Variants in HELB observed in about 807,000 individuals in gnomAD.
HELB encodes the protein DNA 5'-3' helicase B.
Under a neutral mutation model 101.7 loss-of-function variants are expected in HELB, and 96 were observed. That is an observed-to-expected ratio of 0.94 (90% CI 0.80 to 1.12). The LOEUF (loss-of-function observed/expected upper bound fraction) is 1.12. HELB is among the 50% of genes most tolerant of loss of function. The pLI is 0.00. For missense variants in HELB, 1,210 were observed against 1,291.9 expected (o/e 0.94, Z 0.97); for synonymous variants, 437 against 459.7 (o/e 0.95, Z 0.63).
At chr12:66,335,686 T>C (rs1211823004) in intron 12 of HELB, among the ~76,000 whole-genome samples, 2 of 152,062 alleles carry the variant, frequency 1.3e-5, no homozygotes, top group Non-Finnish European at 1.5e-5. Flanking sequence ...AATTGCAGAA[T>C]TGGAGTCCTG....
chr12:66,336,138 A>T (rs1002804797), intron 12 of HELB, among the ~76,000 whole-genome samples: 3 of 152,168 alleles, frequency 2.0e-5, no homozygotes, highest in East Asian at 1.9e-4. Flanking sequence ...ACTTTTTTTT[A>T]AAAAATCAGA....
intron 4 of HELB, among the ~76,000 whole-genome samples, chr12:66,311,422 A>G (rs1018089718): frequency 6.6e-6 from 1 of 152,192 alleles, no homozygotes; most frequent in Admixed American, 6.5e-5. Context: ...TGTTTAGACC[A>G]CTGCACTCCA....
At chr12:66,306,768 A>G (rs2053481814) in intron 3 of HELB, among the ~76,000 whole-genome samples, 1 of 152,200 alleles carries the variant, frequency 6.6e-6, no homozygotes, top group South Asian at 2.1e-4. Flanking sequence ...AATTGATGAC[A>G]TTCAAATTAT....
chr12:66,333,882 C>T (rs2053836572), intron 12 of HELB, among the ~76,000 whole-genome samples: 2 of 151,804 alleles, frequency 1.3e-5, no homozygotes, highest in Non-Finnish European at 2.9e-5. Flanking sequence ...AACATAGTCC[C>T]AGCATGGTGG....
rs2053801302 is a variant in HELB, at chr12:66,331,195, G to A, written c.2712G>A (p.Ala904=). The change falls in exon 12 of 13, where the codon GCG becomes GCA. Residue 904 remains alanine (A), a synonymous_variant. Transcript: ENST00000247815. ...CAGTTGTCTATGTGGTGGGGAAGGC[G>A]GGCCGCCAGCACTGGCAGCATGTCT... is the stretch of plus-strand genomic sequence containing the variant. The part of the protein sequence containing the change: ...EQTVVYVVGK[A]GRQHWQHVYT... 8.7e-6 allele frequency: 14 copies of A among 1,611,968 alleles called. No individual in the cohort carries two copies. Among genetic ancestry groups the A allele is most frequent in the Middle Eastern group, 1.7e-4 (1 of 6,046 alleles).
In HELB at chr12:66,324,137, G is replaced by A. The variant is rs776024795; in HGVS notation, c.2452G>A (p.Asp818Asn). Residue 818 changes from aspartate (D) to asparagine (N), a missense_variant, in exon 10 of 13, where the codon GAT becomes AAT. Asp to Asn is a conservative substitution (Grantham distance 23). Coordinates refer to ENST00000247815, the MANE Select transcript of HELB (RefSeq NM_001370285.1). ...SSEDFSGTLP[D>N]FAKNKRDFES... Reference sequence around the variant, plus strand: ...TGAAGACTTTTCTGGTACGCTTCCTGATTTTGCTAAAAATAAGCGTGACTT... The same window carrying A: ...TGAAGACTTTTCTGGTACGCTTCCTAATTTTGCTAAAAATAAGCGTGACTT... 2 of 1,613,774 alleles carry A rather than the reference G, an allele frequency of 1.2e-6. No individual in the cohort carries two copies. The highest frequency in any genetic ancestry group is 4.5e-5 in the East Asian group (2 of 44,842).
intron 6 of HELB, among the ~76,000 whole-genome samples, chr12:66,316,586 A>AATAATAATAATC (rs1358634263): frequency 6.6e-6 from 1 of 150,790 alleles, no homozygotes; most frequent in African/African-American, 2.4e-5. Flanking sequence ...TAATAATAAT[A>AATAATAATAATC]ATAATAATAA....
At chr12:66,303,778 T>TG (rs1159903334) in intron 1 of HELB, among the ~76,000 whole-genome samples, 3 of 152,256 alleles carry the variant, frequency 2.0e-5, no homozygotes, top group Non-Finnish European at 4.4e-5. Context: ...GGTAGTTTCC[T>TG]GTGCTATAAG....
At chr12:66,320,424 A>G (rs1287413144) in intron 7 of HELB, among the ~76,000 whole-genome samples, 1 of 152,190 alleles carries the variant, frequency 6.6e-6, no homozygotes, top group African/African-American at 2.4e-5. Flanking sequence ...TTAGAAATGT[A>G]TGTTAAATAA....
intron 1 of HELB, among the ~76,000 whole-genome samples, 197 bp downstream of exon 1, chr12:66,302,987 T>C (rs1334561650): frequency 7.2e-6 from 1 of 139,046 alleles, no homozygotes; most frequent in Non-Finnish European, 1.5e-5. Context: ...ACTATGTGGT[T>C]TTTTTTTTTT....
At chr12:66,303,014 G>A (rs1234444074) in intron 1 of HELB, among the ~76,000 whole-genome samples, 2 of 146,896 alleles carry the variant, frequency 1.4e-5, no homozygotes, top group Admixed American at 1.4e-4. Flanking sequence ...TTTTTGAGCA[G>A]CAGCAAGATT....
At chr12:66,324,323 A>G (rs968531982) in intron 10 of HELB, 112 bp downstream of exon 10, 15 of 846,464 alleles carry the variant, frequency 1.8e-5, no homozygotes, top group African/African-American at 1.0e-4. Flanking sequence ...TTCTTGTTTC[A>G]TGATTTTTTG....
chr12:66,337,080 G>C (rs1235960440), intron 12 of HELB, among the ~76,000 whole-genome samples: 2 of 152,100 alleles, frequency 1.3e-5, no homozygotes, highest in Non-Finnish European at 2.9e-5. Flanking sequence ...GGTGGGGTTG[G>C]GCCTGAGGAT....
chr12:66,326,908 C>T (rs1263879952), intron 11 of HELB, among the ~76,000 whole-genome samples: 1 of 150,544 alleles, frequency 6.6e-6, no homozygotes, highest in Non-Finnish European at 1.5e-5. Flanking sequence ...TGGTGGTGGG[C>T]ACCTCTAAAC....
intron 11 of HELB, among the ~76,000 whole-genome samples, chr12:66,327,839 G>A (rs78425371): frequency 8.1e-4 from 124 of 152,300 alleles, no homozygotes; most frequent in Non-Finnish European, 1.2e-3. Flanking sequence ...ATGTTAGAAG[G>A]TGGCAAATCC....
chr12:66,317,204 A>AT (rs2053617725), intron 6 of HELB, among the ~76,000 whole-genome samples: 2 of 152,030 alleles, frequency 1.3e-5, no homozygotes, highest in African/African-American at 4.8e-5. Context: ...CTCAAAAAAA[A>AT]AAAATTGTAA....
chr12:66,303,025 T>C (rs1223500484), intron 1 of HELB, among the ~76,000 whole-genome samples: 1 of 151,482 alleles, frequency 6.6e-6, no homozygotes, highest in Non-Finnish European at 1.5e-5. Flanking sequence ...CAGCAAGATT[T>C]ATTGCAAAGA....
chr12:66,339,033 T>A (rs550566984), downstream of HELB: 2 of 152,320 alleles, frequency 1.3e-5, no homozygotes, highest in African/African-American at 4.8e-5. Context: ...AAAGAAAAAG[T>A]CAAGATGAAA....
At chr12:66,330,438 G>A (rs1028113698) in intron 11 of HELB, among the ~76,000 whole-genome samples, 15 of 151,532 alleles carry the variant, frequency 9.9e-5, no homozygotes, top group African/African-American at 1.2e-4. Context: ...CTCTTTTTTT[G>A]TGATTTGTTT....
Sources: gnomAD v4.1 joint callset for allele counts (sites outside exome capture counted in the v4.1 genomes callset) on GRCh38, gnomAD v4.1.1 for gene constraint, MANE v1.5 for transcripts, NCBI Gene and HGNC (gene_info 2026-07-23, HGNC 2026-07-21) for gene names.